LEPR: variants seen among roughly 807,000 people sequenced by gnomAD.
The protein encoded by LEPR is leptin receptor, also known as OB receptor.
A neutral mutation model predicts 114.7 loss-of-function variants in LEPR; 56 were observed. That is an observed-to-expected ratio of 0.49 (90% CI 0.39 to 0.61). LEPR has a LOEUF of 0.61. Among genes scored for constraint, LEPR ranks in the 20% least tolerant of loss-of-function variants. LEPR has a pLI of 0.00. For missense variants in LEPR, 1,202 were observed against 1,352.9 expected (o/e 0.89, Z 1.75); for synonymous variants, 443 against 461.4 (o/e 0.96, Z 0.51).
intron 5 of LEPR, among the ~76,000 whole-genome samples, chr1:65,578,712 AT>A (rs1654771790): frequency 6.6e-6 from 1 of 152,198 alleles, no homozygotes; most frequent in South Asian, 2.1e-4. Context: ...AAAATTGTAA[AT>A]TTAATAATTC....
At chr1:65,625,832 C>CT (rs890247414) in intron 19 of LEPR, among the ~76,000 whole-genome samples, 46 of 152,196 alleles carry the variant, frequency 3.0e-4, no homozygotes, top group Admixed American at 2.4e-3. Flanking sequence ...GACTATAAGA[C>CT]TTTTTCTTAA....
chr1:65,432,857 G>A, intron 2 of LEPR: 2 of 690,008 alleles, frequency 2.9e-6, no homozygotes, highest in African/African-American at 1.9e-5. Flanking sequence ...ATGTTAATTA[G>A]TGTAATCATT....
Position 65,432,581 on chromosome 1 carries a change from A to G in LEPR, c.-21+7203A>G, listed in dbSNP as rs1031051741. 9.5e-6 allele frequency: 9 copies of G among 947,172 alleles called. No homozygotes were observed. The African/African-American group carries it at 1.2e-4, about 13-fold the overall frequency. The allele number at this position is 947,172 out of a possible 1,614,324, so 58.7% of individuals were successfully genotyped here. A position where few individuals can be genotyped will look rare whatever the true frequency, so the allele number is the denominator to read the frequency against. Reference sequence around the variant, plus strand: ...CTCATTTGTTTAAAAAAAAAAAAAAAGTCTCACCTGCTTTCATGCTGAGGA... The same window carrying G: ...CTCATTTGTTTAAAAAAAAAAAAAAGGTCTCACCTGCTTTCATGCTGAGGA... On this transcript the variant is annotated intron_variant, in intron 2 of 19. Coordinates refer to ENST00000349533, the MANE Select transcript of LEPR (RefSeq NM_002303.6).
chr1:65,437,712 C>G (rs1042455629), intron 2 of LEPR, among the ~76,000 whole-genome samples: 3 of 151,808 alleles, frequency 2.0e-5, no homozygotes, highest in Admixed American at 6.6e-5. Context: ...ATACGGTAGG[C>G]GCTACTGGAA....
At chr1:65,617,829 T>C in intron 15 of LEPR, 135 bp from the exon 16 acceptor site, 1 of 819,822 alleles carries the variant, frequency 1.2e-6, no homozygotes, top group Non-Finnish European at 1.8e-6. Context: ...GTAATTGTCA[T>C]GTATCATATT....
At chr1:65,610,141 G>T in intron 13 of LEPR, 35 bp downstream of exon 13, 1 of 1,614,134 alleles carries the variant, frequency 6.2e-7, no homozygotes, top group Non-Finnish European at 8.5e-7. Context: ...TTTTGAAAGT[G>T]CATAAGTGTG....
intron 2 of LEPR, chr1:65,435,054 T>C: frequency 1.0e-6 from 1 of 985,454 alleles, no homozygotes; most frequent in Non-Finnish European, 1.2e-6. Context: ...TCACAGAGAA[T>C]GGGAGAACGG....
At chr1:65,485,131 C>G (rs1301413469) in intron 2 of LEPR, among the ~76,000 whole-genome samples, 2 of 152,152 alleles carry the variant, frequency 1.3e-5, no homozygotes, top group East Asian at 1.9e-4. Context: ...CCATGCCACT[C>G]ACTGTTTGAC....
intron 2 of LEPR, among the ~76,000 whole-genome samples, chr1:65,554,821 A>T (rs1652696616): frequency 2.0e-5 from 3 of 151,992 alleles, no homozygotes; most frequent in Admixed American, 1.3e-4. Context: ...TTTGTGCTTG[A>T]AACCCAGGGC....
In LEPR at chr1:65,635,426, A is replaced by G. The variant is rs1658683408; in HGVS notation, c.2674-765A>G. 28 of 953,084 alleles carry G rather than the reference A, an allele frequency of 2.9e-5. No individual in the cohort carries two copies. In the South Asian group the frequency reaches 1.1e-3, roughly 38 times the overall value. 59.0% of individuals were successfully genotyped at this position (953,084 alleles called of 1,614,324 possible). Reference sequence around the variant, plus strand: ...ATCACTTCTATAAAAAATATGATGTACATTTGTCTTGTGTATTTGTCTTCA... The same window carrying G: ...ATCACTTCTATAAAAAATATGATGTGCATTTGTCTTGTGTATTTGTCTTCA... On this transcript the variant is annotated intron_variant, in intron 19 of 19. Coordinates refer to ENST00000349533, the MANE Select transcript of LEPR (RefSeq NM_002303.6).
chr1:65,470,241 A>AC (rs1647066697), intron 2 of LEPR, among the ~76,000 whole-genome samples: 1 of 152,058 alleles, frequency 6.6e-6, no homozygotes, highest in South Asian at 2.1e-4. Context: ...TGAAATAACT[A>AC]CTCCTACCTC....
chr1:65,572,362 A>C lies in LEPR; in HGVS notation c.407A>C (p.Asp136Ala). The part of the protein sequence containing the change: ...NWNIQCWLKG[D>A]LKLFICYVES... ...AACATACAGTGCTGGCTAAAAGGAG[A>C]CTTAAAATTATTCATCTGTTATGTG... The change falls in exon 5 of 20, where the codon GAC (aspartate) becomes GCC (alanine). Residue 136 changes from aspartate to alanine, a missense_variant. By Grantham distance (126) the Asp-to-Ala change is moderately radical. Transcript: ENST00000349533. 6.3e-7 allele frequency: 1 copy of C among 1,586,222 alleles called. No individual in the cohort carries two copies. Among genetic ancestry groups the C allele is most frequent in the Non-Finnish European group, 8.6e-7 (1 of 1,167,060 alleles).
intron 3 of LEPR, among the ~76,000 whole-genome samples, chr1:65,567,634 A>G (rs910998189): frequency 9.2e-5 from 14 of 152,216 alleles, no homozygotes; most frequent in African/African-American, 2.2e-4. Flanking sequence ...AAACCAAACT[A>G]TTAACAGTCA....
At chr1:65,435,370 T>TTTTC (rs1646546227) in intron 2 of LEPR, 1 of 817,456 alleles carries the variant, frequency 1.2e-6, no homozygotes, top group South Asian at 5.7e-5. Context: ...TCTTTTCTTT[T>TTTTC]TTTTTTTTTT....
intron 8 of LEPR, among the ~76,000 whole-genome samples, chr1:65,600,582 C>T (rs939094851): frequency 2.0e-5 from 3 of 152,016 alleles, no homozygotes; most frequent in African/African-American, 4.8e-5. Flanking sequence ...AATGTACTGA[C>T]GTTTTTGCAG....
At chr1:65,438,333 C>T (rs930417456) in intron 2 of LEPR, among the ~76,000 whole-genome samples, 3 of 151,706 alleles carry the variant, frequency 2.0e-5, no homozygotes, top group Non-Finnish European at 4.4e-5. Flanking sequence ...GGGCAGATTA[C>T]GAGGTCAAGA....
intron 2 of LEPR, among the ~76,000 whole-genome samples, chr1:65,532,340 G>A (rs948996813): frequency 9.2e-5 from 14 of 152,266 alleles, no homozygotes; most frequent in African/African-American, 3.1e-4. Context: ...TGGTGTGGTA[G>A]GGGAAAAGAC....
chr1:65,546,704 T>G (rs1651761368), intron 2 of LEPR, among the ~76,000 whole-genome samples: 3 of 152,198 alleles, frequency 2.0e-5, no homozygotes, highest in Admixed American at 6.5e-5. Flanking sequence ...TAAGGAGATT[T>G]TGGGCTGAGA....
chr1:65,546,792 C>G (rs1436816011), intron 2 of LEPR, among the ~76,000 whole-genome samples: 1 of 152,108 alleles, frequency 6.6e-6, no homozygotes, highest in Non-Finnish European at 1.5e-5. Flanking sequence ...TAGTTGAATA[C>G]CCTTTATTTC....
Sources: allele counts gnomAD v4.1 joint callset (sites outside exome capture counted in the v4.1 genomes callset), GRCh38; gene constraint gnomAD v4.1.1; transcripts MANE v1.5; gene names NCBI Gene and HGNC (gene_info 2026-07-23, HGNC 2026-07-21).